The following RBM26 variants were observed in gnomAD, a reference collection of about 807,000 sequenced individuals.
The protein encoded by RBM26 is RNA binding motif protein 26.
RBM26 carries 30 observed loss-of-function variants against 123.6 expected under a neutral mutation model. The ratio of observed to expected loss-of-function variants is 0.24; its 90% CI spans 0.18 to 0.33. The LOEUF (loss-of-function observed/expected upper bound fraction) is 0.33. RBM26 is among the 10% of genes least tolerant of loss of function. The pLI is 1.00. For missense variants in RBM26, 947 were observed against 1,203.6 expected, an observed-to-expected ratio of 0.79 and a Z score of 3.15; for synonymous variants, 400 against 404.4, an observed-to-expected ratio of 0.99 and a Z score of 0.13.
At chr13:79,336,703 C>A (rs1004296626) in intron 19 of RBM26, among the ~76,000 whole-genome samples, 1 of 152,186 alleles carries the variant, frequency 6.6e-6, no homozygotes, top group African/African-American at 2.4e-5. Flanking sequence ...TATCTTGTTT[C>A]AATACTGGGT....
intron 20 of RBM26, among the ~76,000 whole-genome samples, chr13:79,329,156 G>A (rs144500386): frequency 6.6e-6 from 1 of 151,998 alleles, no homozygotes; most frequent in South Asian, 2.1e-4. Context: ...ATGAGATTAA[G>A]TAAAAACCAT....
chr13:79,314,299 A>G (rs532141257), downstream of RBM26: 8 of 151,852 alleles, frequency 5.3e-5, no homozygotes, highest in Admixed American at 3.9e-4. Context: ...AATTATGTTA[A>G]GACATATAAT....
chr13:79,362,683 G>A (rs980413438), intron 9 of RBM26, among the ~76,000 whole-genome samples: 1 of 152,126 alleles, frequency 6.6e-6, no homozygotes, highest in Non-Finnish European at 1.5e-5. Context: ...AGCCCTTTTG[G>A]AGAATCTGTG....
chr13:79,321,773 C>G (rs1047545744), intron 21 of RBM26, among the ~76,000 whole-genome samples: 1 of 151,430 alleles, frequency 6.6e-6, no homozygotes, highest in Non-Finnish European at 1.5e-5. Flanking sequence ...AACAATCACT[C>G]CTTCCTCTGA....
intron 3 of RBM26, among the ~76,000 whole-genome samples, chr13:79,374,951 C>G (rs1045330085): frequency 2.0e-5 from 3 of 150,314 alleles, no homozygotes; most frequent in Non-Finnish European, 4.4e-5. Context: ...GGGAAGACTA[C>G]TCAAGCCAAG....
intron 1 of RBM26, among the ~76,000 whole-genome samples, chr13:79,379,419 T>C (rs1363868100): frequency 2.7e-5 from 4 of 148,306 alleles, no homozygotes. Context: ...AGTGTGTGCC[T>C]GTAGTCCCAG....
chr13:79,378,817 A>G lies in RBM26; in HGVS notation c.162T>C (p.Ile54=), dbSNP rs1235337141. The change falls in exon 2 of 22, where the codon ATT becomes ATC. Residue 54 remains isoleucine (I), a synonymous_variant. Transcript: ENST00000438737. The stretch of plus-strand genomic sequence containing the variant: ...TCTGAAGAAATACATCCAGCTGATC[A>G]ATACATAATGCCTTTAACTCTTTTT... ...KSEKELKALC[I]DQLDVFLQKE... The G allele has an allele frequency of 6.2e-7, 1 of 1,603,720 alleles. No individual in the cohort carries two copies. Among genetic ancestry groups the G allele is most frequent in the Admixed American group, 1.7e-5 (1 of 59,712 alleles).
In RBM26 at chr13:79,320,421, G is replaced by C; in HGVS notation, c.*200C>G. The C allele has an allele frequency of 8.2e-7, 1 of 1,223,576 alleles. No individual in the cohort carries two copies. The highest frequency in any genetic ancestry group is 3.4e-5 in the East Asian group (1 of 29,026). The allele number at this position is 1,223,576 out of a possible 1,614,324, so 75.8% of individuals were successfully genotyped here. On this transcript the variant is annotated 3_prime_UTR_variant, in exon 22 of 22. Transcript: ENST00000438737. ...TTCTAGTGTGATGTCTTTAGCAATT[G>C]TTTACTGAAGTAAAATGCAAACATC...
In RBM26 at chr13:79,340,483, G is replaced by A. The variant is rs1312165984; in HGVS notation, c.2532+640C>T. 3.3e-5 allele frequency among the ~76,000 whole-genome samples: 5 copies of A among 152,058 alleles called. No individual in the cohort carries two copies. The East Asian group carries it at 7.7e-4, about 23-fold the overall frequency. ...AATTCCTGTATCAAACCACAATACA[G>A]ACATGTGCCAACTATATTAATGACG... On this transcript the variant is annotated intron_variant, in intron 18 of 21. Transcript: ENST00000438737.
intron 3 of RBM26, among the ~76,000 whole-genome samples, chr13:79,372,284 A>G (rs558780042): frequency 6.6e-6 from 1 of 152,282 alleles, no homozygotes; most frequent in African/African-American, 2.4e-5. Flanking sequence ...CTGCCTCAAA[A>G]CAAACAAACA....
At chr13:79,392,159 TTA>T (rs1258117666) in intron 1 of RBM26, among the ~76,000 whole-genome samples, 1 of 54,432 alleles carries the variant, frequency 1.8e-5, no homozygotes, top group African/African-American at 4.3e-5. Context: ...TATTATATAA[TTA>T]TATATTATAC....
chr13:79,339,684 T>C (rs1448347451), intron 18 of RBM26, among the ~76,000 whole-genome samples: 1 of 152,074 alleles, frequency 6.6e-6, no homozygotes, highest in East Asian at 1.9e-4. Context: ...CTTGGACAAA[T>C]AAACTTGAGT....
At chr13:79,350,663 T>A (rs2073090816) in intron 14 of RBM26, among the ~76,000 whole-genome samples, 1 of 152,182 alleles carries the variant, frequency 6.6e-6, no homozygotes, top group Non-Finnish European at 1.5e-5. Flanking sequence ...TACATTTGTG[T>A]ATTTATTTAG....
chr13:79,379,320 G>A (rs1031211915), intron 1 of RBM26, among the ~76,000 whole-genome samples: 1 of 143,102 alleles, frequency 7.0e-6, no homozygotes, highest in Non-Finnish European at 1.5e-5. Context: ...GATCGCTTGA[G>A]CCCAGGAGTT....
Position 79,365,769 on chromosome 13 carries a change from TA to T in RBM26, c.1277-52del, listed in dbSNP as rs763208315. The T allele has an allele frequency of 4.0e-6, 6 of 1,508,154 alleles. No homozygotes were observed. The African/African-American group carries it at 7.3e-5, about 18-fold the overall frequency. The allele number at this position is 1,508,154 out of a possible 1,614,324, so 93.4% of individuals were successfully genotyped here. A position where few individuals can be genotyped will look rare whatever the true frequency, so the allele number is the denominator to read the frequency against. On this transcript the variant is annotated intron_variant, in intron 8 of 21. Transcript: ENST00000438737. The stretch of plus-strand genomic sequence containing the variant: ...AAAACAATTATAAAACTCCACTTGG[TA>T]ATTTTTTAATATTGATAAGAGAAAA...
chr13:79,365,518 A>G, intron 9 of RBM26, 60 bp downstream of exon 9: 2 of 1,359,314 alleles, frequency 1.5e-6, no homozygotes, highest in Non-Finnish European at 2.1e-6. Flanking sequence ...TGTTCTTTAT[A>G]AATGTTTTCC....
At chr13:79,392,570 A>T (rs2078191127) in intron 1 of RBM26, among the ~76,000 whole-genome samples, 2 of 146,926 alleles carry the variant, frequency 1.4e-5, no homozygotes, top group Admixed American at 1.4e-4. Context: ...AAAATATGTT[A>T]TCCATATATA....
chr13:79,365,503 C>T, intron 9 of RBM26, 75 bp downstream of exon 9: 2 of 1,202,668 alleles, frequency 1.7e-6, no homozygotes, highest in East Asian at 2.4e-5. Context: ...AAAGGCAAGA[C>T]CAACTGTTCT....
chr13:79,393,408 C>T (rs1272456619), intron 1 of RBM26, among the ~76,000 whole-genome samples: 2 of 152,208 alleles, frequency 1.3e-5, no homozygotes, highest in African/African-American at 4.8e-5. Context: ...TAAACATTCA[C>T]TCCTGCGCTA....
Sources: gnomAD v4.1 joint callset for allele counts (sites outside exome capture counted in the v4.1 genomes callset) on GRCh38, gnomAD v4.1.1 for gene constraint, MANE v1.5 for transcripts, NCBI Gene and HGNC (gene_info 2026-07-23, HGNC 2026-07-21) for gene names.